STX8: variants seen among roughly 807,000 people sequenced by gnomAD.
STX8 encodes the protein syntaxin 8.
A neutral mutation model predicts 37.5 loss-of-function variants in STX8; 23 were observed. The observed-to-expected ratio is 0.61, with a 90% CI of 0.44 to 0.87. STX8 has a LOEUF of 0.87. STX8 is among the 40% of genes least tolerant of loss of function. STX8 has a pLI of 0.00. For missense variants in STX8, 313 were observed against 284.7 expected (o/e 1.10, Z -0.71); for synonymous variants, 115 against 99.1 (o/e 1.16, Z -0.95).
rs1906453222 is a variant in STX8, at chr17:9,545,198, A to T, written c.297T>A (p.Asn99Lys). Residue 99 changes from asparagine to lysine, a missense_variant, in exon 4 of 8, where the codon AAT (asparagine) becomes AAA (lysine). Coordinates refer to ENST00000306357, the MANE Select transcript of STX8 (RefSeq NM_004853.3). The part of the protein sequence containing the change: ...RERLLLASFK[N>K]EGAEPDLIRS... ...TGATTAGATCTGGTTCGGCACCCTCATTCTTAAAGGATGCCAGAAGTAGTC... is the reference window on the plus strand; with the variant it reads ...TGATTAGATCTGGTTCGGCACCCTCTTTCTTAAAGGATGCCAGAAGTAGTC... 39 of 1,613,800 alleles carry T rather than the reference A, an allele frequency of 2.4e-5. No homozygotes were observed. Among genetic ancestry groups the T allele is most frequent in the Non-Finnish European group, 3.3e-5 (39 of 1,179,860 alleles).
At chr17:9,532,396 G>A (rs1283496797) in intron 4 of STX8, among the ~76,000 whole-genome samples, 1 of 152,028 alleles carries the variant, frequency 6.6e-6, no homozygotes, top group South Asian at 2.1e-4. Flanking sequence ...TATAATTCCT[G>A]TTTTTTTAAA....
chr17:9,488,952 C>T (rs1384942201), intron 6 of STX8, among the ~76,000 whole-genome samples: 2 of 152,146 alleles, frequency 1.3e-5, no homozygotes, highest in African/African-American at 4.8e-5. Context: ...TCTCAGCTCA[C>T]TGCAACCCCT....
At chr17:9,257,916 G>T (rs766202765) in intron 7 of STX8, among the ~76,000 whole-genome samples, 39 of 152,352 alleles carry the variant, frequency 2.6e-4, no homozygotes, top group Admixed American at 8.5e-4. Context: ...TTGAACCCGG[G>T]AGGAGGAGGT....
At chr17:9,265,701 T>C (rs980281990) in intron 7 of STX8, among the ~76,000 whole-genome samples, 3 of 152,192 alleles carry the variant, frequency 2.0e-5, no homozygotes, top group Non-Finnish European at 4.4e-5. Flanking sequence ...TTAACACATG[T>C]TGCCTGAGCA....
At chr17:9,425,820 T>C (rs998839503) in intron 6 of STX8, among the ~76,000 whole-genome samples, 1 of 152,124 alleles carries the variant, frequency 6.6e-6, no homozygotes, top group Non-Finnish European at 1.5e-5. Context: ...CTAGCACATA[T>C]TGGAGTTAGG....
At chr17:9,367,448 A>G (rs1341998552) in intron 7 of STX8, among the ~76,000 whole-genome samples, 1 of 152,146 alleles carries the variant, frequency 6.6e-6, no homozygotes, top group Non-Finnish European at 1.5e-5. Flanking sequence ...TCTGGGCCTC[A>G]AATAACCCTC....
intron 1 of STX8, among the ~76,000 whole-genome samples, chr17:9,574,430 G>C (rs1907812994): frequency 6.6e-6 from 1 of 151,750 alleles, no homozygotes; most frequent in Admixed American, 6.6e-5. Context: ...AAATTATAGA[G>C]TTAAAGATGC....
chr17:9,548,615 A>G (rs944656385), intron 3 of STX8: 4 of 152,228 alleles, frequency 2.6e-5, no homozygotes, highest in Admixed American at 2.0e-4. Flanking sequence ...GTGTATGTAA[A>G]CAATGGAATG....
At chr17:9,444,090 C>T (rs1216357656) in intron 6 of STX8, among the ~76,000 whole-genome samples, 1 of 152,218 alleles carries the variant, frequency 6.6e-6, no homozygotes, top group African/African-American at 2.4e-5. Context: ...ACTTCTATTT[C>T]CTGTCCACCA....
At chr17:9,266,152 T>G (rs1426624803) in intron 7 of STX8, among the ~76,000 whole-genome samples, 1 of 152,068 alleles carries the variant, frequency 6.6e-6, no homozygotes, top group African/African-American at 2.4e-5. Flanking sequence ...CAAAAGTTGG[T>G]TGGAATGAAG....
At chr17:9,398,001 G>A (rs9303239) in intron 6 of STX8, among the ~76,000 whole-genome samples, 106,597 of 128,322 alleles carry the variant, frequency 0.83, 42,439 homozygotes, top group East Asian at 0.91. Flanking sequence ...AAAAAAAAAA[G>A]AAAGAAAGAA....
chr17:9,430,112 TATAAATAAATATAAATATAA>T (rs1913895873), intron 6 of STX8, among the ~76,000 whole-genome samples: 3 of 89,038 alleles, frequency 3.4e-5, no homozygotes, highest in African/African-American at 1.3e-4. Flanking sequence ...ATATTTTATA[TATAAATAAATATAAATATAA>T]AATATATATA....
intron 7 of STX8, among the ~76,000 whole-genome samples, chr17:9,358,407 A>G (rs1284235106): frequency 6.6e-6 from 1 of 152,200 alleles, no homozygotes; most frequent in African/African-American, 2.4e-5. Flanking sequence ...GCCATGGTAC[A>G]CCACTCAGTT....
chr17:9,493,222 G>A (rs1266875627), intron 5 of STX8, among the ~76,000 whole-genome samples: 1 of 152,140 alleles, frequency 6.6e-6, no homozygotes, highest in Admixed American at 6.6e-5. Flanking sequence ...CCATGATCAC[G>A]CCACTGCACC....
rs115293461 is a variant in STX8, at chr17:9,424,936, C to T, written c.542-46283G>A. Among the ~76,000 whole-genome samples the T allele has an allele frequency of 2.3e-3, 352 of 152,056 alleles. 1 individual carries two copies. The highest frequency in any genetic ancestry group is 8.2e-3 in the African/African-American group (341 of 41,480). ...ATAAATCATCCAAAGCAAAGAATAC[C>T]ATGTAACACAAGAGAGGTTAAAAGT... On this transcript the variant is annotated intron_variant, in intron 6 of 7. Transcript: ENST00000306357.
intron 4 of STX8, among the ~76,000 whole-genome samples, chr17:9,538,309 T>C (rs909944104): frequency 1.4e-4 from 21 of 152,222 alleles, no homozygotes; most frequent in African/African-American, 5.1e-4. Context: ...TTCCTTCTTC[T>C]AGAAGAGTAG....
intron 7 of STX8, among the ~76,000 whole-genome samples, chr17:9,342,297 T>C (rs183371044): frequency 4.9e-4 from 75 of 152,238 alleles, no homozygotes; most frequent in African/African-American, 1.7e-3. Context: ...CCGGTACCAG[T>C]CCTGGCCCAG....
intron 7 of STX8, among the ~76,000 whole-genome samples, chr17:9,343,224 A>T (rs1205854578): frequency 6.6e-6 from 1 of 152,078 alleles, no homozygotes; most frequent in African/African-American, 2.4e-5. Context: ...ACCAAACCAC[A>T]CTGTTGCCCC....
chr17:9,434,013 T>C (rs1455083606), intron 6 of STX8, among the ~76,000 whole-genome samples: 2 of 33,018 alleles, frequency 6.1e-5, no homozygotes, highest in African/African-American at 7.5e-4. Context: ...GTCAGGATCT[T>C]TTTTTTTTGA....
Sources: gnomAD v4.1 joint callset for allele counts (sites outside exome capture counted in the v4.1 genomes callset) on GRCh38, gnomAD v4.1.1 for gene constraint, MANE v1.5 for transcripts, NCBI Gene and HGNC (gene_info 2026-07-23, HGNC 2026-07-21) for gene names.